Variants in GPC5 observed in about 807,000 individuals in gnomAD.
The protein encoded by GPC5 is glypican 5.
Under a neutral mutation model 53.9 loss-of-function variants are expected in GPC5, and 47 were observed. The observed-to-expected ratio is 0.87, with a 90% CI of 0.69 to 1.11. GPC5 has a LOEUF of 1.11. Among genes scored for constraint, GPC5 ranks in the 50% most tolerant of loss-of-function variants. The pLI is 0.00. For synonymous variants in GPC5, 286 were observed against 263.3 expected, an observed-to-expected ratio of 1.09 and a Z score of -0.84; for missense variants, 748 against 713.1, an observed-to-expected ratio of 1.05 and a Z score of -0.56.
At chr13:91,605,261 T>C (rs2033324194) in intron 2 of GPC5, among the ~76,000 whole-genome samples, 1 of 147,190 alleles carries the variant, frequency 6.8e-6, no homozygotes, top group Non-Finnish European at 1.5e-5. Context: ...ATCAGATAGT[T>C]GTAGAGATGC....
chr13:92,148,270 A>G (rs1030631798), intron 7 of GPC5, among the ~76,000 whole-genome samples: 33 of 152,056 alleles, frequency 2.2e-4, no homozygotes, highest in Admixed American at 2.1e-3. Context: ...GCTAATTATT[A>G]CTTGAACTGA....
At chr13:91,440,509 TC>T (rs1291639030) in intron 1 of GPC5, among the ~76,000 whole-genome samples, 1 of 152,232 alleles carries the variant, frequency 6.6e-6, no homozygotes, top group African/African-American at 2.4e-5. Flanking sequence ...GAGTTTATGT[TC>T]TTTTACCTCA....
chr13:92,698,124 C>T (rs568451615), intron 7 of GPC5, among the ~76,000 whole-genome samples: 1 of 152,184 alleles, frequency 6.6e-6, no homozygotes, highest in South Asian at 2.1e-4. Context: ...AGGACTTTCA[C>T]ATCGATGTTC....
intron 7 of GPC5, among the ~76,000 whole-genome samples, chr13:92,805,148 C>T (rs1205556929): frequency 1.3e-5 from 2 of 152,004 alleles, no homozygotes; most frequent in South Asian, 2.1e-4. Context: ...GACCTTTATC[C>T]ATGAATCACA....
At chr13:91,932,291 G>T (rs372358733) in intron 6 of GPC5, among the ~76,000 whole-genome samples, 14 of 152,048 alleles carry the variant, frequency 9.2e-5, no homozygotes, top group African/African-American at 3.1e-4. Flanking sequence ...GCATGGGCAT[G>T]TCCAAAATTT....
At chr13:92,253,780 TA>T (rs928880925) in intron 7 of GPC5, among the ~76,000 whole-genome samples, 2 of 151,582 alleles carry the variant, frequency 1.3e-5, no homozygotes, top group East Asian at 1.9e-4. Context: ...GCTGTAGAAA[TA>T]AAAAAAAGAA....
chr13:92,793,764 A>T (rs1262156515), intron 7 of GPC5, among the ~76,000 whole-genome samples: 3 of 152,190 alleles, frequency 2.0e-5, no homozygotes, highest in Admixed American at 6.6e-5. Flanking sequence ...ACCTCTATGT[A>T]AATAAACTAG....
At chr13:91,922,046 G>C (rs2039720720) in intron 6 of GPC5, among the ~76,000 whole-genome samples, 1 of 152,110 alleles carries the variant, frequency 6.6e-6, no homozygotes, top group African/African-American at 2.4e-5. Context: ...TAGGGAGTTG[G>C]TGGTAAAACA....
rs557017973 is a variant in GPC5, at chr13:92,183,154, A to G, written c.1561+38165A>G. Among the ~76,000 whole-genome samples, 190 of 152,314 alleles carry G rather than the reference A, an allele frequency of 1.2e-3. 1 individual carries two copies. The highest frequency in any genetic ancestry group is 2.3e-3 in the Non-Finnish European group (157 of 68,026). On this transcript the variant is annotated intron_variant, in intron 7 of 7. Transcript: ENST00000377067. ...ATTCTTTCCCACCATTCCCCATTAC[A>G]TGTTTTCCCACATAGCCTTTCAAGA...
chr13:92,248,260 A>G (rs894713289), intron 7 of GPC5, among the ~76,000 whole-genome samples: 1 of 152,124 alleles, frequency 6.6e-6, no homozygotes, highest in African/African-American at 2.4e-5. Context: ...AGGGCTGGCT[A>G]CAGGCATTTT....
chr13:91,659,140 A>G (rs1036336385), intron 2 of GPC5, among the ~76,000 whole-genome samples: 1 of 152,246 alleles, frequency 6.6e-6, no homozygotes, highest in African/African-American at 2.4e-5. Context: ...CAAAAATTAA[A>G]TATAGCCTTG....
Position 92,367,474 on chromosome 13 carries a change from T to C in GPC5, c.1561+222485T>C, listed in dbSNP as rs1399651293. On this transcript the variant is annotated intron_variant, in intron 7 of 7. Transcript: ENST00000377067. ...CAACAACAAAAGCATTTTGTTATTTTAGCTTTTGTCCAAACTTTTGCCATT... is the reference window on the plus strand; with the variant it reads ...CAACAACAAAAGCATTTTGTTATTTCAGCTTTTGTCCAAACTTTTGCCATT... Among the ~76,000 whole-genome samples the C allele has an allele frequency of 2.6e-5, 4 of 152,210 alleles. No homozygotes were observed. In the East Asian group the frequency reaches 7.7e-4, roughly 29 times the overall value.
At chr13:92,199,462 G>T (rs957612633) in intron 7 of GPC5, among the ~76,000 whole-genome samples, 1 of 152,006 alleles carries the variant, frequency 6.6e-6, no homozygotes, top group African/African-American at 2.4e-5. Flanking sequence ...CTCAATATTT[G>T]AGATAAAATT....
At chr13:91,806,176 C>T (rs1455923416) in intron 5 of GPC5, among the ~76,000 whole-genome samples, 1 of 151,320 alleles carries the variant, frequency 6.6e-6, no homozygotes, top group Non-Finnish European at 1.5e-5. Flanking sequence ...GCTGGGACTA[C>T]AGACATCTGC....
At chr13:91,464,730 T>A (rs1882131235) in intron 2 of GPC5, among the ~76,000 whole-genome samples, 1 of 152,100 alleles carries the variant, frequency 6.6e-6, no homozygotes, top group African/African-American at 2.4e-5. Flanking sequence ...GAGGGAGCTT[T>A]GTGGCAATGG....
At chr13:92,814,763 T>G (rs994278242) in intron 7 of GPC5, among the ~76,000 whole-genome samples, 1 of 151,950 alleles carries the variant, frequency 6.6e-6, no homozygotes, top group Non-Finnish European at 1.5e-5. Context: ...CTGTCCTTGA[T>G]GATGGTGATA....
chr13:92,681,744 C>G (rs889371581), intron 7 of GPC5, among the ~76,000 whole-genome samples: 29 of 152,170 alleles, frequency 1.9e-4, no homozygotes, highest in Admixed American at 1.9e-3. Flanking sequence ...TTCATCTCTT[C>G]ATACTTAAAT....
intron 5 of GPC5, among the ~76,000 whole-genome samples, chr13:91,782,526 T>A (rs912529469): frequency 2.0e-5 from 3 of 152,040 alleles, no homozygotes; most frequent in Non-Finnish European, 4.4e-5. Context: ...TCACTCACTA[T>A]CATGAGAATA....
intron 2 of GPC5, among the ~76,000 whole-genome samples, chr13:91,554,296 A>G (rs574196801): frequency 3.2e-4 from 48 of 152,054 alleles, no homozygotes; most frequent in African/African-American, 1.2e-3. Flanking sequence ...ACATACACAG[A>G]CTCACAGACA....
Sources: allele counts gnomAD v4.1 joint callset (sites outside exome capture counted in the v4.1 genomes callset), GRCh38; gene constraint gnomAD v4.1.1; transcripts MANE v1.5; gene names NCBI Gene and HGNC (gene_info 2026-07-23, HGNC 2026-07-21).